SF3B1: variants seen among roughly 807,000 people sequenced by gnomAD.
SF3B1 encodes the protein pre-mRNA processing 10.
Under a neutral mutation model 153.8 loss-of-function variants are expected in SF3B1, and 12 were observed. The observed-to-expected ratio is 0.08, with a 90% confidence interval of 0.05 to 0.13. SF3B1 has a LOEUF of 0.13. SF3B1 is among the 10% of genes least tolerant of loss of function. SF3B1 has a pLI of 1.00. For synonymous variants in SF3B1, 498 were observed against 525.2 expected (o/e 0.95, Z 0.71); for missense variants, 513 against 1,606.1 (o/e 0.32, Z 11.63).
At position 197,402,518 on chromosome 2, in the gene SF3B1, A is replaced by G; in HGVS notation, c.2077+38T>C. Reference sequence around the variant, plus strand: ...AACATAGTAAGACCCTGTCTCCTAAAGAAAAAAAAAAAAAGACAAAGTTAC... The same window carrying G: ...AACATAGTAAGACCCTGTCTCCTAAGGAAAAAAAAAAAAAGACAAAGTTAC... On this transcript the variant is annotated intron_variant, in intron 14 of 24. Coordinates refer to ENST00000335508, the MANE Select transcript of SF3B1 (RefSeq NM_012433.4). This position sits in a 1 kb window ranked among gnomAD's most constrained non-coding sequence, Gnocchi z 4.6. 6.4e-7 allele frequency: 1 copy of G among 1,550,748 alleles called. No homozygotes were observed. Among genetic ancestry groups the G allele is most frequent in the Non-Finnish European group, 8.8e-7 (1 of 1,134,398 alleles).
chr2:197,428,264 T>C (rs1478019157), intron 1 of SF3B1, among the ~76,000 whole-genome samples: 1 of 152,104 alleles, frequency 6.6e-6, no homozygotes. Context: ...GAGGTTGCAG[T>C]GAGCTGAGAT....
chr2:197,421,611 A>T (rs1365034706), intron 2 of SF3B1, among the ~76,000 whole-genome samples: 2 of 152,210 alleles, frequency 1.3e-5, no homozygotes, highest in African/African-American at 4.8e-5. Context: ...CTTTTCTAGT[A>T]TAAAAAGTAC....
rs11380582 is a variant in SF3B1 at position 197,392,928 on chromosome 2, TA to T, written c.3756+43del. The stretch of plus-strand genomic sequence containing the variant: ...GTATCCCAGAACTTAAAGTATTATT[TA>T]AAAAAAAAAAATCACCGATTAAAAA... On this transcript the variant is annotated intron_variant, in intron 24 of 24. Coordinates refer to ENST00000335508, the MANE Select transcript of SF3B1 (RefSeq NM_012433.4). 5.1e-3 allele frequency: 4,718 copies of T among 927,052 alleles called. 1 individual carries two copies. The highest frequency in any genetic ancestry group is 8.1e-3 in the Admixed American group (348 of 43,118). The allele number at this position is 927,052 out of a possible 1,614,324, so 57.4% of individuals were successfully genotyped here.
rs372630026 is a variant in SF3B1, at chr2:197,400,034, T to A, written c.3013+21A>T. The A allele has an allele frequency of 4.8e-6, 7 of 1,449,082 alleles. No homozygotes were observed. Among genetic ancestry groups the A allele is most frequent in the Non-Finnish European group, 6.7e-6 (7 of 1,044,066 alleles). 89.8% of individuals were successfully genotyped at this position (1,449,082 alleles called of 1,614,324 possible). A position where few individuals can be genotyped will look rare whatever the true frequency, so the allele number is the denominator to read the frequency against. On this transcript the variant is annotated intron_variant, in intron 20 of 24. Transcript: ENST00000335508. The surrounding 1 kb of genome is among the most constrained non-coding windows in gnomAD (Gnocchi z 5.0). ...AAAGTTAAAACAAGAAAAAGTCTTATGTAACCAGCAAATTCCATACCTATG... is the reference window on the plus strand; with the variant it reads ...AAAGTTAAAACAAGAAAAAGTCTTAAGTAACCAGCAAATTCCATACCTATG...
Position 197,433,691 on chromosome 2 carries a change from AG to A in SF3B1, c.28+1280del, listed in dbSNP as rs1374455351. On this transcript the variant is annotated intron_variant, in intron 1 of 24. Transcript: ENST00000335508. ...TCCTCTGGGTGACCCAACTATTCAAAGCCATTCACATTCTGGTCCTAATCCA... is the reference window on the plus strand; with the variant it reads ...TCCTCTGGGTGACCCAACTATTCAAACCATTCACATTCTGGTCCTAATCCA... 2.0e-5 allele frequency among the ~76,000 whole-genome samples: 3 copies of A among 152,194 alleles called. No individual in the cohort carries two copies. The South Asian group carries it at 6.2e-4, about 32-fold the overall frequency.
At chr2:197,421,856 A>G (rs531134667) in intron 2 of SF3B1, among the ~76,000 whole-genome samples, 2 of 152,060 alleles carry the variant, frequency 1.3e-5, no homozygotes, top group Admixed American at 1.3e-4. Context: ...TGGTGTGCAT[A>G]CGTAGTCCCA....
Position 197,393,197 on chromosome 2 carries a change from GA to G in SF3B1, c.3540-10del, listed in dbSNP as rs1559262518. 6.2e-7 allele frequency: 1 copy of G among 1,603,000 alleles called. No individual in the cohort carries two copies. The highest frequency in any genetic ancestry group is 1.7e-5 in the Admixed American group (1 of 59,786). On this transcript the variant is annotated splice_polypyrimidine_tract_variant and intron_variant, in intron 23 of 24. Coordinates refer to ENST00000335508, the MANE Select transcript of SF3B1 (RefSeq NM_012433.4). Reference sequence around the variant, plus strand: ...GTCTGTGTACAAGGTCTCTACAACGGAAGGGAAAAAAGTCCTTTAAGATGCG... The same window carrying G: ...GTCTGTGTACAAGGTCTCTACAACGGAGGGAAAAAAGTCCTTTAAGATGCG...
Position 197,390,776 on chromosome 2 carries a change from T to G in SF3B1, c.*1527A>C, listed in dbSNP as rs1440541772. The stretch of plus-strand genomic sequence containing the variant: ...CCCGCCACCACGCCTGGCTAATTTT[T>G]GTATTTTTAGTAGACGGGACTTCAC... On this transcript the variant is annotated 3_prime_UTR_variant, in exon 25 of 25. Coordinates refer to ENST00000335508, the MANE Select transcript of SF3B1 (RefSeq NM_012433.4). The G allele has an allele frequency of 2.6e-5, 4 of 151,116 alleles. No individual in the cohort carries two copies. Among genetic ancestry groups the G allele is most frequent in the Non-Finnish European group, 5.9e-5 (4 of 67,828 alleles). 9.4% of individuals were successfully genotyped at this position (151,116 alleles called of 1,614,324 possible).
At position 197,420,471 on chromosome 2, in the gene SF3B1, C is replaced by T. The variant is rs2106010519; in HGVS notation, c.372G>A (p.Arg124=). 1 of 1,613,588 alleles carries T rather than the reference C, an allele frequency of 6.2e-7. No individual in the cohort carries two copies. Among genetic ancestry groups the T allele is most frequent in the East Asian group, 2.2e-5 (1 of 44,872 alleles). ...DREDEYKKHR[R]TMIISPERLD... ...GACGCTCTGGGGAAATTATCATGGTCCGCCTATGCTTTTTGTATTCATCTT... is the reference window on the plus strand; with the variant it reads ...GACGCTCTGGGGAAATTATCATGGTTCGCCTATGCTTTTTGTATTCATCTT... Residue 124 remains arginine (R), a synonymous_variant, in exon 4 of 25, where the codon CGG becomes CGA. Coordinates refer to ENST00000335508, the MANE Select transcript of SF3B1 (RefSeq NM_012433.4).
chr2:197,393,218 G>T, intron 23 of SF3B1, 30 bp from the exon 24 acceptor site: 1 of 1,460,036 alleles, frequency 6.8e-7, no homozygotes, highest in Non-Finnish European at 9.6e-7. Flanking sequence ...AGTCCTTTAA[G>T]ATGCGGTCTT....
At chr2:197,394,706 C>T (rs10185500) in intron 23 of SF3B1, among the ~76,000 whole-genome samples, 2,547 of 152,124 alleles carry the variant, frequency 0.017, 75 homozygotes, top group African/African-American at 0.058. Flanking sequence ...GAGATGGAGA[C>T]CATCCTGGCT....
intron 23 of SF3B1, 35 bp from the exon 24 acceptor site, chr2:197,393,223 G>T: frequency 7.2e-7 from 1 of 1,389,882 alleles, no homozygotes; most frequent in Non-Finnish European, 1.0e-6. Context: ...TTTAAGATGC[G>T]GTCTTATAAG....
At chr2:197,423,738 A>C in intron 2 of SF3B1, 70 bp downstream of exon 2, 1 of 1,493,960 alleles carries the variant, frequency 6.7e-7, no homozygotes. Context: ...AGATGGCTGC[A>C]ACAAAAGTTA....
chr2:197,395,091 A>T (rs1188156229), intron 23 of SF3B1, among the ~76,000 whole-genome samples: 1 of 152,186 alleles, frequency 6.6e-6, no homozygotes, highest in African/African-American at 2.4e-5. Flanking sequence ...TATTCTTTTC[A>T]TTTAGTAATT....
intron 22 of SF3B1, among the ~76,000 whole-genome samples, chr2:197,397,658 G>A (rs764498065): frequency 6.6e-6 from 1 of 152,154 alleles, no homozygotes; most frequent in Non-Finnish European, 1.5e-5. Context: ...TTACCTAGGC[G>A]TGATGGTGCA....
At chr2:197,398,660 A>G in intron 20 of SF3B1, 79 bp from the exon 21 acceptor site, 1 of 1,288,574 alleles carries the variant, frequency 7.8e-7, no homozygotes, top group Non-Finnish European at 1.1e-6. Flanking sequence ...GCAATGTCAT[A>G]TATGACTATG....
rs763559216 is a variant in SF3B1, at chr2:197,392,403, A to G, written c.3815T>C (p.Ile1272Thr). 6.2e-7 allele frequency: 1 copy of G among 1,613,100 alleles called. No homozygotes were observed. The highest frequency in any genetic ancestry group is 1.3e-5 in the African/African-American group (1 of 75,018). Residue 1272 changes from isoleucine to threonine, a missense_variant, in exon 25 of 25, where the codon ATC becomes ACC. By Grantham distance (89) the Ile-to-Thr change is moderately conservative (BLOSUM62 -1). Around this residue, in one of 21 missense-constraint regions of SF3B1, gnomAD observed 33 missense variants for 43.5 expected, o/e 0.76. Transcript: ENST00000335508. Reference protein sequence around the residue: ...RDVYWKIYNSIYIGSQDALIA... With the variant: ...RDVYWKIYNSTYIGSQDALIA... ...GAGAGCGTCCTGGGAACCAATGTAG[A>G]TGGAGTTGTAAATTTTCCAATATAC...
At chr2:197,411,458 G>A (rs1325648421) in intron 6 of SF3B1, among the ~76,000 whole-genome samples, 1 of 151,822 alleles carries the variant, frequency 6.6e-6, no homozygotes, top group African/African-American at 2.4e-5. Flanking sequence ...CGGATCACAA[G>A]GTCAGGAGAT....
intron 6 of SF3B1, among the ~76,000 whole-genome samples, chr2:197,410,497 TG>T (rs2085052356): frequency 7.1e-6 from 1 of 140,446 alleles, no homozygotes; most frequent in Non-Finnish European, 1.5e-5. Context: ...AGATCACCTA[TG>T]TAATTTTTTT....
Sources: gnomAD v4.1 joint callset for allele counts (sites outside exome capture counted in the v4.1 genomes callset) on GRCh38, gnomAD v4.1.1 for gene constraint, gnomAD v4.1.1 regional missense constraint, Gnocchi (gnomAD v3.1) non-coding constraint, MANE v1.5 for transcripts, NCBI Gene and HGNC (gene_info 2026-07-23, HGNC 2026-07-21) for gene names.